Variants in MRPS21 observed in about 807,000 individuals in gnomAD.
MRPS21 encodes small ribosomal subunit protein bS21m.
Under a neutral mutation model 9.9 loss-of-function variants are expected in MRPS21, and 8 were observed. The ratio of observed to expected loss-of-function variants is 0.81; its 90% confidence interval spans 0.47 to 1.45. The LOEUF (loss-of-function observed/expected upper bound fraction) is 1.45, where lower values mean the gene tolerates loss of function less well. Ranked by LOEUF, MRPS21 falls within the 40% of genes most tolerant of loss-of-function variation. The pLI, the probability that MRPS21 is intolerant of heterozygous loss-of-function variation, is 0.00. For synonymous variants in MRPS21, 40 were observed against 40.3 expected, an observed-to-expected ratio of 0.99 and a Z score of 0.03; for missense variants, 101 against 118.9, an observed-to-expected ratio of 0.85 and a Z score of 0.70.
chr1:150,298,739 C>A (rs1427570694), intron 2 of MRPS21, among the ~76,000 whole-genome samples: 1 of 152,096 alleles, frequency 6.6e-6, no homozygotes, highest in Non-Finnish European at 1.5e-5. Flanking sequence ...GTAGCTGGGA[C>A]TACAGGCGCA....
chr1:150,306,267 C>G (rs1403836536), intron 2 of MRPS21, among the ~76,000 whole-genome samples: 1 of 150,794 alleles, frequency 6.6e-6, no homozygotes. Context: ...GGTTTAATGC[C>G]TCCTGTGAGT....
intron 2 of MRPS21, among the ~76,000 whole-genome samples, chr1:150,296,346 C>A: frequency 6.6e-6 from 1 of 152,186 alleles, no homozygotes; most frequent in East Asian, 1.9e-4. Flanking sequence ...GTATGACTCA[C>A]GCGTCATTTT....
intron 2 of MRPS21, among the ~76,000 whole-genome samples, chr1:150,296,847 TA>T (rs1294429920): frequency 9.4e-5 from 14 of 149,346 alleles, no homozygotes; most frequent in South Asian, 2.1e-4. Flanking sequence ...GGTGTCGCTT[TA>T]AAAAAAAAAC....
chr1:150,300,980 C>T (rs1479803458), intron 2 of MRPS21, among the ~76,000 whole-genome samples: 2 of 150,816 alleles, frequency 1.3e-5, no homozygotes, highest in Admixed American at 1.3e-4. Context: ...GGTGGATCAT[C>T]TGAGGTCAGG....
intron 2 of MRPS21, among the ~76,000 whole-genome samples, chr1:150,305,587 AG>A (rs1375128588): frequency 6.6e-6 from 1 of 152,074 alleles, no homozygotes; most frequent in Non-Finnish European, 1.5e-5. Flanking sequence ...TAGGCATTAT[AG>A]GGCACGTGTT....
intron 2 of MRPS21, among the ~76,000 whole-genome samples, chr1:150,304,484 C>T (rs1213674293): frequency 6.6e-5 from 10 of 151,238 alleles, no homozygotes; most frequent in African/African-American, 2.4e-4. Context: ...CAGCCAAGCG[C>T]AGTGGCTCAT....
intron 2 of MRPS21, among the ~76,000 whole-genome samples, chr1:150,302,504 G>A (rs782760573): frequency 3.9e-4 from 60 of 152,114 alleles, no homozygotes; most frequent in African/African-American, 1.4e-3. Context: ...CTGTCCTGAC[G>A]TAGACTGGCT....
chr1:150,304,262 G>T, intron 2 of MRPS21: 1 of 248,496 alleles, frequency 4.0e-6, no homozygotes, highest in African/African-American at 2.3e-5. Context: ...AGTGAGCCAA[G>T]ATGGTGACAC....
At chr1:150,294,899 A>AAAAAAG (rs1653858163) in intron 2 of MRPS21, among the ~76,000 whole-genome samples, 2 of 151,462 alleles carry the variant, frequency 1.3e-5, no homozygotes, top group Non-Finnish European at 1.5e-5. Flanking sequence ...TCTATCTCAA[A>AAAAAAG]AAAAAAGAAA....
intron 2 of MRPS21, chr1:150,304,000 TG>T (rs1654232180): frequency 2.3e-6 from 1 of 443,230 alleles, no homozygotes; most frequent in Admixed American, 2.4e-5. Flanking sequence ...AATGTAATAC[TG>T]TTTGATCAGT....
chr1:150,297,704 A>G (rs587674381), intron 2 of MRPS21, among the ~76,000 whole-genome samples: 1 of 152,070 alleles, frequency 6.6e-6, no homozygotes, highest in East Asian at 1.9e-4. Context: ...ACATCACTTA[A>G]TTCTATGTGC....
chr1:150,299,272 G>C (rs2101905509), intron 2 of MRPS21, among the ~76,000 whole-genome samples: 1 of 152,128 alleles, frequency 6.6e-6, no homozygotes, highest in South Asian at 2.1e-4. Context: ...CTGATACCAG[G>C]TTTGCAGAAA....
chr1:150,300,554 T>C (rs1438095580), intron 2 of MRPS21, among the ~76,000 whole-genome samples: 1 of 152,216 alleles, frequency 6.6e-6, no homozygotes, highest in Non-Finnish European at 1.5e-5. Context: ...GGAGAGTGAA[T>C]GAACTATAGG....
chr1:150,304,216 C>A, intron 2 of MRPS21: 1 of 316,508 alleles, frequency 3.2e-6, no homozygotes, highest in Non-Finnish European at 6.4e-6. Context: ...GAGGCTGAGG[C>A]GGGAGAATTG....
Position 150,294,390 on chromosome 1 carries a change from C to G in MRPS21, c.24C>G (p.Ile8Met). 2 of 1,613,606 alleles carry G rather than the reference C, an allele frequency of 1.2e-6. No individual in the cohort carries two copies. The highest frequency in any genetic ancestry group is 1.7e-6 in the Non-Finnish European group (2 of 1,179,806). Residue 8 changes from isoleucine to methionine, a missense_variant, in exon 2 of 3, where the codon ATC (isoleucine) becomes ATG (methionine). Transcript: ENST00000614145. Reference sequence around the variant, plus strand: ...TCATGGCAAAACATCTGAAGTTCATCGCCAGGACTGTGATGGTACAGGAAG... The same window carrying G: ...TCATGGCAAAACATCTGAAGTTCATGGCCAGGACTGTGATGGTACAGGAAG... MAKHLKF[I>M]ARTVMVQEGN... is the part of the protein sequence containing the mutation.
At chr1:150,304,277 C>T (rs1553858140) in intron 2 of MRPS21, 5 of 225,482 alleles carry the variant, frequency 2.2e-5, no homozygotes, top group African/African-American at 9.3e-5. Context: ...TGACACTGCA[C>T]TCCAGCCTGG....
intron 2 of MRPS21, among the ~76,000 whole-genome samples, chr1:150,302,068 C>T (rs1560064957): frequency 6.6e-6 from 1 of 152,104 alleles, no homozygotes; most frequent in Non-Finnish European, 1.5e-5. Context: ...TCTCTCTAGC[C>T]ACTTTTTCTG....
intron 2 of MRPS21, among the ~76,000 whole-genome samples, chr1:150,294,665 G>A (rs934933854): frequency 1.3e-5 from 2 of 151,914 alleles, no homozygotes; most frequent in Admixed American, 6.6e-5. Flanking sequence ...TTGGGAGGCC[G>A]AGGCGGGTGG....
At chr1:150,298,509 T>C (rs1553856982) in intron 2 of MRPS21, among the ~76,000 whole-genome samples, 1 of 152,204 alleles carries the variant, frequency 6.6e-6, no homozygotes, top group Non-Finnish European at 1.5e-5. Flanking sequence ...CCCTTATTCC[T>C]AAAGTATAGA....
Sources: allele counts gnomAD v4.1 joint callset (sites outside exome capture counted in the v4.1 genomes callset), GRCh38; gene constraint gnomAD v4.1.1; transcripts MANE v1.5; gene names NCBI Gene and HGNC (gene_info 2026-07-23, HGNC 2026-07-21).